The following TAF11L12 variants were observed in gnomAD, a reference collection of about 807,000 sequenced individuals.
TAF11L12 encodes TATA-box binding protein associated factor 11 like 12.
downstream of TAF11L12, among the ~76,000 whole-genome samples, chr5:17,612,045 T>C (rs544668660): frequency 2.6e-5 from 4 of 151,732 alleles, no homozygotes; most frequent in South Asian, 8.3e-4. Context: ...CATATGTATT[T>C]GTTTTAGTCA....
Position 17,610,899 on chromosome 5 carries a change from A to G in TAF11L12, c.-91A>G, listed in dbSNP as rs1365314881. ...GAAACACAGCAGCTCAACTCTTTGA[A>G]AGGTTCTCATTGCAGATCCATAATC... is the stretch of plus-strand genomic sequence containing the variant. On this transcript the variant is annotated 5_prime_UTR_variant, in exon 1 of 1. Transcript: ENST00000503184. 3.8e-5 allele frequency: 15 copies of G among 396,730 alleles called. No individual in the cohort carries two copies. Among genetic ancestry groups the G allele is most frequent in the East Asian group, 2.1e-4 (6 of 28,006 alleles). The allele number at this position is 396,730 out of a possible 1,614,324, so 24.6% of individuals were successfully genotyped here. A position where few individuals can be genotyped will look rare whatever the true frequency, so the allele number is the denominator to read the frequency against.
chr5:17,611,584 G>A, downstream of TAF11L12: 1 of 398,024 alleles, frequency 2.5e-6, no homozygotes. Flanking sequence ...CATGTTCTAA[G>A]CCCAAGGCCA....
At chr5:17,611,433 G>C (rs1579619002) in exon 1 of TAF11L12, 1 of 397,936 alleles carries the variant, frequency 2.5e-6, no homozygotes, top group African/African-American at 2.1e-5. Context: ...CTAAGGTCTT[G>C]GTTGGAGAGG....
exon 1 of TAF11L12, chr5:17,610,619 C>T: frequency 5.0e-6 from 1 of 199,220 alleles, no homozygotes; most frequent in South Asian, 1.9e-4. Flanking sequence ...ACAGCCAGAC[C>T]CATCCTGGAG....
At chr5:17,611,692 T>A, downstream of TAF11L12, 1 of 395,762 alleles carries the variant, frequency 2.5e-6, no homozygotes, top group Admixed American at 4.4e-5. Flanking sequence ...CCACCCTGGA[T>A]TCACCCACAA....
exon 1 of TAF11L12, chr5:17,610,634 G>C (rs542219383): frequency 9.5e-5 from 20 of 209,740 alleles, no homozygotes; most frequent in East Asian, 3.1e-4. Context: ...CTGGAGGTCC[G>C]TCATGTGACT....
downstream of TAF11L12, chr5:17,611,708 G>A (rs1209435468): frequency 2.5e-6 from 1 of 394,888 alleles, no homozygotes; most frequent in Non-Finnish European, 4.5e-6. Context: ...CACAATCTTA[G>A]TGTCTGAAAC....
chr5:17,611,539 A>T, the TAF11L12 span: 1 of 398,060 alleles, frequency 2.5e-6, no homozygotes, highest in East Asian at 3.6e-5. Context: ...GTTAAAGCCC[A>T]AGGGCCTCTT....
In TAF11L12 at chr5:17,610,907, C is replaced by A. The variant is rs1739262753; in HGVS notation, c.-83C>A. 2.5e-6 allele frequency: 1 copy of A among 396,888 alleles called. No homozygotes were observed. Among genetic ancestry groups the A allele is most frequent in the African/African-American group, 2.1e-5 (1 of 48,194 alleles). The allele number at this position is 396,888 out of a possible 1,614,324, so 24.6% of individuals were successfully genotyped here. ...GCAGCTCAACTCTTTGAAAGGTTCT[C>A]ATTGCAGATCCATAATCGAACCACC... is the stretch of plus-strand genomic sequence containing the variant. On this transcript the variant is annotated 5_prime_UTR_variant, in exon 1 of 1. Coordinates refer to ENST00000503184, the Ensembl canonical transcript of TAF11L12.
downstream of TAF11L12, chr5:17,611,664 G>T (rs1016193272): frequency 7.6e-6 from 3 of 396,806 alleles, no homozygotes; most frequent in Admixed American, 4.4e-5. Flanking sequence ...GCATTTGCTG[G>T]AGCTTCCTTA....
downstream of TAF11L12, among the ~76,000 whole-genome samples, chr5:17,611,958 T>A (rs934188942): frequency 2.0e-5 from 3 of 151,484 alleles, no homozygotes; most frequent in Admixed American, 6.6e-5. Flanking sequence ...TTACCTTGTA[T>A]GCTGATGTCT....
chr5:17,611,172 A>G (rs1050450001), exon 1 of TAF11L12: 2 of 397,998 alleles, frequency 5.0e-6, no homozygotes, highest in Admixed American at 8.8e-5. Flanking sequence ...ACAATGAAGC[A>G]TCAGCCTCAG....
downstream of TAF11L12, chr5:17,611,589 A>C (rs1395961374): frequency 1.0e-5 from 4 of 397,978 alleles, no homozygotes; most frequent in South Asian, 2.5e-4. Context: ...TCTAAGCCCA[A>C]GGCCAGAGGG....
At chr5:17,611,163 C>A (rs1307899407) in exon 1 of TAF11L12, 5 of 397,824 alleles carry the variant, frequency 1.3e-5, no homozygotes, top group Admixed American at 4.4e-5. Flanking sequence ...CAGAAGGTGA[C>A]AATGAAGCAT....
At chr5:17,611,469 C>A in the TAF11L12 span, 2 of 397,724 alleles carry the variant, frequency 5.0e-6, no homozygotes, top group African/African-American at 2.1e-5. Context: ...TGGACGTGTG[C>A]GAGATGTGGG....
exon 1 of TAF11L12, chr5:17,611,009 G>C (rs1040823392): frequency 3.3e-5 from 13 of 397,806 alleles, no homozygotes; most frequent in East Asian, 2.1e-4. Flanking sequence ...GGCAGGCAAA[G>C]AGGTGCGTCT....
chr5:17,611,183 C>T (rs185061777), exon 1 of TAF11L12: 4 of 398,042 alleles, frequency 1.0e-5, no homozygotes, highest in Non-Finnish European at 1.8e-5. Context: ...TCAGCCTCAG[C>T]TCCTCCTGCA....
downstream of TAF11L12, among the ~76,000 whole-genome samples, chr5:17,611,738 A>C (rs1322550936): frequency 2.6e-5 from 4 of 151,486 alleles, no homozygotes; most frequent in African/African-American, 9.7e-5. Flanking sequence ...GACCTTACCT[A>C]GGTGAAGACA....
chr5:17,611,557 A>C lies in TAF11L12; in HGVS notation c.568A>C (p.Ser190Arg), dbSNP rs753019777. 5.3e-5 allele frequency: 21 copies of C among 397,970 alleles called. 1 individual carries two copies. The highest frequency in any genetic ancestry group is 8.8e-5 in the Admixed American group (2 of 22,648). The allele number at this position is 397,970 out of a possible 1,614,324, so 24.7% of individuals were successfully genotyped here. ...AAAGCCCAAGGGCCTCTTCCCCAAC[A>C]GCAACTATAAAAAAATCATGTTCTA... The change falls in exon 1 of 1, where the codon AGC (serine) becomes CGC (arginine). Residue 190 changes from serine (S) to arginine (R), a missense_variant. By Grantham distance (110) the Ser-to-Arg change is moderately radical. Transcript: ENST00000503184.
Sources: gnomAD v4.1 joint callset for allele counts (sites outside exome capture counted in the v4.1 genomes callset) on GRCh38, gnomAD v4.1.1 for gene constraint, MANE v1.5 for transcripts, NCBI Gene and HGNC (gene_info 2026-07-23, HGNC 2026-07-21) for gene names.